CCND3: variants seen among roughly 807,000 people sequenced by gnomAD.
CCND3 encodes G1/S-specific cyclin-D3.
A neutral mutation model predicts 28.7 loss-of-function variants in CCND3; 9 were observed. The observed-to-expected ratio is 0.31, with a 90% CI of 0.19 to 0.55. The LOEUF is 0.55. Ranked by LOEUF, CCND3 falls within the 20% of genes least tolerant of loss-of-function variation. The pLI, the probability that CCND3 is intolerant of heterozygous loss-of-function variation, is 0.93. For synonymous variants in CCND3, 164 were observed against 163.9 expected, an observed-to-expected ratio of 1.00 and a Z score of 0.00; for missense variants, 315 against 385.8, an observed-to-expected ratio of 0.82 and a Z score of 1.54.
chr6:41,940,981 T>A, intron 1 of CCND3: 3 of 1,612,946 alleles, frequency 1.9e-6, no homozygotes, highest in East Asian at 2.2e-5. Context: ...CTCCTGCCGC[T>A]GCCTCCTGCA....
chr6:42,034,622 C>T (rs1764149914), intron 1 of CCND3, among the ~76,000 whole-genome samples: 1 of 151,688 alleles, frequency 6.6e-6, no homozygotes, highest in Non-Finnish European at 1.5e-5. Flanking sequence ...GGACTACAGG[C>T]TCGTGCCACC....
chr6:41,998,374 G>C (rs62417421), intron 1 of CCND3, among the ~76,000 whole-genome samples: 51,013 of 140,626 alleles, frequency 0.36, 10,133 homozygotes, highest in Middle Eastern at 0.53. Context: ...TTGAGACGAA[G>C]TCTTGCTTTT....
rs759108007 is a variant in CCND3 at position 41,941,039 on chromosome 6, G to A, written c.198+413C>T. Reference sequence around the variant, plus strand: ...GAACAGGGCGCGCGCCACCCCCATCGCCTTCCCCGCCAGAACCCCGCGAAA... The same window carrying A: ...GAACAGGGCGCGCGCCACCCCCATCACCTTCCCCGCCAGAACCCCGCGAAA... On this transcript the variant is annotated intron_variant, in intron 1 of 4. Transcript: ENST00000372991. This position sits in a 1 kb window ranked among gnomAD's most constrained non-coding sequence, Gnocchi z 6.1. 1.9e-6 allele frequency: 3 copies of A among 1,602,400 alleles called. No individual in the cohort carries two copies. Among genetic ancestry groups the A allele is most frequent in the Non-Finnish European group, 2.6e-6 (3 of 1,173,502 alleles).
intron 1 of CCND3, among the ~76,000 whole-genome samples, chr6:41,960,637 C>A (rs1196545258): frequency 6.6e-6 from 1 of 152,104 alleles, no homozygotes; most frequent in South Asian, 2.1e-4. Context: ...TGCAAGGAGA[C>A]CCCCAACCTC....
chr6:41,942,144 G>T (rs1582091086), upstream of CCND3, among the ~76,000 whole-genome samples: 1 of 152,322 alleles, frequency 6.6e-6, no homozygotes, highest in East Asian at 1.9e-4. Context: ...TACTTCACCG[G>T]CTGCTTGCTC....
At chr6:42,033,036 C>G (rs1764087038) in intron 1 of CCND3, among the ~76,000 whole-genome samples, 1 of 152,166 alleles carries the variant, frequency 6.6e-6, no homozygotes, top group Non-Finnish European at 1.5e-5. Context: ...TTTTACTGTT[C>G]ATGAAGTCAT....
rs772889403 is a variant in CCND3, at chr6:41,941,445, G to C, written c.198+7C>G. The C allele has an allele frequency of 1.2e-6, 2 of 1,607,706 alleles. No individual in the cohort carries two copies. Among genetic ancestry groups the C allele is most frequent in the Non-Finnish European group, 1.7e-6 (2 of 1,178,602 alleles). ...CGGTGGGGGAGGGGGACGCGTCCGG[G>C]CGGTACCTCCAGCATCCAGTAAGCC... On this transcript the variant is annotated splice_region_variant and intron_variant, in intron 1 of 4. Coordinates refer to ENST00000372991, the MANE Select transcript of CCND3 (RefSeq NM_001760.5). The surrounding 1 kb of genome is among the most constrained non-coding windows in gnomAD (Gnocchi z 6.1).
chr6:42,000,234 C>CGTTTTTTTTTT (rs1762951898), intron 1 of CCND3, among the ~76,000 whole-genome samples: 17 of 51,012 alleles, frequency 3.3e-4, no homozygotes, highest in Non-Finnish European at 5.4e-4. Flanking sequence ...TGAAAACATA[C>CGTTTTTTTTTT]TTTTTTTTTT....
intron 1 of CCND3, among the ~76,000 whole-genome samples, chr6:41,958,185 CG>C (rs1293927644): frequency 6.6e-6 from 1 of 151,380 alleles, no homozygotes; most frequent in African/African-American, 2.4e-5. Context: ...TTAGTAGAGA[CG>C]GGTTTTCACC....
intron 1 of CCND3, among the ~76,000 whole-genome samples, chr6:42,022,649 A>T (rs1255706733): frequency 6.6e-6 from 1 of 152,246 alleles, no homozygotes; most frequent in Admixed American, 6.5e-5. Flanking sequence ...TTGATGCAGC[A>T]CTTGGCCTGG....
At position 41,935,627 on chromosome 6, in the gene CCND3, C is replaced by T. The variant is rs995495208; in HGVS notation, c.*313G>A. ...GAGAGCCCCCAGGGGTGGGGGGGGG[C>T]GTTCAAAAGGAATGCTGGTGTATGT... On this transcript the variant is annotated 3_prime_UTR_variant, in exon 5 of 5. Transcript: ENST00000372991. 2 of 432,106 alleles carry T rather than the reference C, an allele frequency of 4.6e-6. No individual in the cohort carries two copies. Among genetic ancestry groups the T allele is most frequent in the Non-Finnish European group, 8.2e-6 (2 of 242,880 alleles). 26.8% of individuals were successfully genotyped at this position (432,106 alleles called of 1,614,324 possible). A position where few individuals can be genotyped will look rare whatever the true frequency, so the allele number is the denominator to read the frequency against.
intron 1 of CCND3, among the ~76,000 whole-genome samples, chr6:42,044,783 T>A (rs183962562): frequency 2.8e-5 from 4 of 143,032 alleles, no homozygotes; most frequent in African/African-American, 7.8e-5. Flanking sequence ...CTTTCTTTCC[T>A]TTTATTTATT....
intron 1 of CCND3, among the ~76,000 whole-genome samples, chr6:41,950,950 C>T (rs549013197): frequency 1.3e-4 from 20 of 151,922 alleles, no homozygotes; most frequent in African/African-American, 2.9e-4. Context: ...CCTCGTGATC[C>T]GCCCGCCTCG....
intron 1 of CCND3, among the ~76,000 whole-genome samples, chr6:41,974,917 C>G (rs906812775): frequency 1.3e-5 from 2 of 151,644 alleles, no homozygotes; most frequent in African/African-American, 2.4e-5. Context: ...CTCAGCCTCC[C>G]GAGTAGGTGG....
intron 1 of CCND3, among the ~76,000 whole-genome samples, chr6:41,999,055 G>T (rs1762906105): frequency 6.6e-6 from 1 of 152,048 alleles, no homozygotes; most frequent in African/African-American, 2.4e-5. Flanking sequence ...TTACTGATGA[G>T]AAAACTGACA....
intron 1 of CCND3, among the ~76,000 whole-genome samples, chr6:41,976,774 G>T (rs544224931): frequency 6.6e-6 from 1 of 152,276 alleles, no homozygotes; most frequent in East Asian, 1.9e-4. Context: ...AAGGATATCA[G>T]ACTATAAGCT....
intron 1 of CCND3, among the ~76,000 whole-genome samples, chr6:42,029,838 A>C (rs1763992982): frequency 3.3e-5 from 1 of 30,506 alleles, no homozygotes; most frequent in Non-Finnish European, 1.0e-4. Context: ...ACTCTGTCTC[A>C]AAAAAAAAAA....
At chr6:42,036,737 G>T (rs1764232202) in intron 1 of CCND3, among the ~76,000 whole-genome samples, 1 of 151,658 alleles carries the variant, frequency 6.6e-6, no homozygotes, top group East Asian at 2.0e-4. Flanking sequence ...ACCTGCCTGA[G>T]GCCAAATTTT....
Position 42,000,222 on chromosome 6 carries a change from T to C in CCND3, c.-46+48279A>G, listed in dbSNP as rs551867823. On this transcript the variant is annotated intron_variant, in intron 1 of 4. Transcript: ENST00000372988. ...TAGAAATCATCAAGTCTCGTGGAAA[T>C]TTGAAAACATACTTTTTTTTTTTTT... Among the ~76,000 whole-genome samples, 13 of 140,786 alleles carry C rather than the reference T, an allele frequency of 9.2e-5. No homozygotes were observed. In the South Asian group the frequency reaches 2.9e-3, roughly 32 times the overall value. The allele number at this position is 140,786 out of a possible 152,430, so 92.4% of individuals were successfully genotyped here. A position where few individuals can be genotyped will look rare whatever the true frequency, so the allele number is the denominator to read the frequency against.
Sources: gnomAD v4.1 joint callset for allele counts (sites outside exome capture counted in the v4.1 genomes callset) on GRCh38, gnomAD v4.1.1 for gene constraint, Gnocchi (gnomAD v3.1) non-coding constraint, MANE v1.5 for transcripts, NCBI Gene and HGNC (gene_info 2026-07-23, HGNC 2026-07-21) for gene names.